The following PGBD5 variants were observed in gnomAD, a reference collection of about 807,000 sequenced individuals.
PGBD5 encodes the protein piggyBac transposable element-derived protein 5.
Under a neutral mutation model 47.9 loss-of-function variants are expected in PGBD5, and 14 were observed. The ratio of observed to expected loss-of-function variants is 0.29; its 90% confidence interval spans 0.19 to 0.46. The LOEUF (loss-of-function observed/expected upper bound fraction) is 0.46. Among genes scored for constraint, PGBD5 ranks in the 20% least tolerant of loss-of-function variants. The pLI is 1.00. For missense variants in PGBD5, 635 were observed against 716.0 expected, an observed-to-expected ratio of 0.89 and a Z score of 1.29; for synonymous variants, 316 against 306.3, an observed-to-expected ratio of 1.03 and a Z score of -0.33.
intron 3 of PGBD5, among the ~76,000 whole-genome samples, chr1:230,347,647 T>C (rs1667496436): frequency 6.6e-6 from 1 of 151,812 alleles, no homozygotes; most frequent in African/African-American, 2.4e-5. Context: ...GCCTGGCTAA[T>C]TTTTTTTGTA....
intron 1 of PGBD5, chr1:230,362,315 C>T (rs2009265): frequency 0.071 from 97,096 of 1,365,046 alleles, 6,246 homozygotes; most frequent in African/African-American, 0.34. Flanking sequence ...GTGCAGGGCA[C>T]GAGGAATGGA....
chr1:230,358,971 C>T (rs983901833), intron 1 of PGBD5, among the ~76,000 whole-genome samples: 18 of 152,160 alleles, frequency 1.2e-4, no homozygotes, highest in Non-Finnish European at 2.1e-4. Flanking sequence ...AGAGCTATGG[C>T]TTACAATTCT....
At chr1:230,363,573 C>T (rs1382407560) in intron 1 of PGBD5, among the ~76,000 whole-genome samples, 1 of 150,418 alleles carries the variant, frequency 6.6e-6, no homozygotes, top group Non-Finnish European at 1.5e-5. Context: ...CAGAGCGAGA[C>T]TCCATCTCAA....
rs1666930809 is a variant in PGBD5, at chr1:230,315,908, A to ATGTATG, written c.*7516_*7517insCATACA. The ATGTATG allele has an allele frequency of 6.7e-6, 1 of 150,180 alleles. No individual in the cohort carries two copies. The highest frequency in any genetic ancestry group is 1.5e-5 in the Non-Finnish European group (1 of 67,538). The allele number at this position is 150,180 out of a possible 1,614,324, so 9.3% of individuals were successfully genotyped here. A position where few individuals can be genotyped will look rare whatever the true frequency, so the allele number is the denominator to read the frequency against. On this transcript the variant is annotated 3_prime_UTR_variant, in exon 7 of 7. Transcript: ENST00000391860. ...CATACATATTTATGTGTACACATAT[A>ATGTATG]TGTATATGTGTATATGTGTACACAT...
chr1:230,328,281 A>G (rs1213378989), intron 5 of PGBD5, among the ~76,000 whole-genome samples: 8 of 152,086 alleles, frequency 5.3e-5, no homozygotes, highest in Non-Finnish European at 1.2e-4. Flanking sequence ...ATTCTTTTTC[A>G]TAATTTTAAA....
At chr1:230,383,834 C>T (rs536728672) in intron 1 of PGBD5, among the ~76,000 whole-genome samples, 3 of 152,316 alleles carry the variant, frequency 2.0e-5, no homozygotes, top group African/African-American at 7.2e-5. Flanking sequence ...CCTGTTCCAG[C>T]AAAAGTCACA....
intron 1 of PGBD5, among the ~76,000 whole-genome samples, chr1:230,413,917 T>C (rs1480351509): frequency 6.6e-6 from 1 of 152,188 alleles, no homozygotes; most frequent in African/African-American, 2.4e-5. Context: ...ATCTGCCAAA[T>C]GTATGAAATG....
At chr1:230,394,990 TCTCCTCCCA>T (rs1656893517) in intron 1 of PGBD5, among the ~76,000 whole-genome samples, 2 of 123,110 alleles carry the variant, frequency 1.6e-5, no homozygotes, top group Non-Finnish European at 3.4e-5. Flanking sequence ...CCTCCCTTCC[TCTCCTCCCA>T]CTCCTCCCCA....
intron 1 of PGBD5, among the ~76,000 whole-genome samples, chr1:230,395,986 T>TTTTGCTTCCCTCTTTCTTCCC (rs1200062211): frequency 1.5e-5 from 2 of 129,582 alleles, no homozygotes; most frequent in South Asian, 2.8e-4. Context: ...CTCCTCTTTC[T>TTTTGCTTCCCTCTTTCTTCCC]TTTGCTTCCC....
chr1:230,364,480 T>C (rs1667796123), intron 1 of PGBD5, among the ~76,000 whole-genome samples: 1 of 152,252 alleles, frequency 6.6e-6, no homozygotes, highest in Admixed American at 6.5e-5. Context: ...AAACCCCAAG[T>C]ATAGCTTCAG....
intron 1 of PGBD5, among the ~76,000 whole-genome samples, chr1:230,365,811 A>G (rs530372594): frequency 1.3e-5 from 2 of 152,208 alleles, no homozygotes; most frequent in Non-Finnish European, 2.9e-5. Flanking sequence ...AGCATTTGAC[A>G]TTCTATGTCA....
At chr1:230,328,187 A>C (rs1667154198) in intron 5 of PGBD5, among the ~76,000 whole-genome samples, 1 of 152,170 alleles carries the variant, frequency 6.6e-6, no homozygotes, top group African/African-American at 2.4e-5. Context: ...GCCCAATAAG[A>C]GCAGAGGCTC....
intron 1 of PGBD5, among the ~76,000 whole-genome samples, chr1:230,391,038 C>G (rs1315948076): frequency 6.6e-6 from 1 of 151,964 alleles, no homozygotes; most frequent in African/African-American, 2.4e-5. Flanking sequence ...CCACGCCCAG[C>G]CTCATTGCCA....
chr1:230,327,769 C>T (rs1667146433), intron 5 of PGBD5, among the ~76,000 whole-genome samples: 1 of 152,246 alleles, frequency 6.6e-6, no homozygotes, highest in South Asian at 2.1e-4. Flanking sequence ...ACTGCCGTCT[C>T]TCTCCAACGC....
intron 5 of PGBD5, among the ~76,000 whole-genome samples, chr1:230,330,760 G>T (rs1405368950): frequency 6.6e-6 from 1 of 151,952 alleles, no homozygotes; most frequent in Non-Finnish European, 1.5e-5. Context: ...GGGGAGGGGG[G>T]CTACAGTGAT....
intron 3 of PGBD5, 76 bp from the exon 4 acceptor site, chr1:230,337,364 G>C (rs1667343415): frequency 7.5e-7 from 1 of 1,336,244 alleles, no homozygotes; most frequent in African/African-American, 1.5e-5. Flanking sequence ...AGCAAGCACA[G>C]ATCTCATGGG....
Position 230,315,902 on chromosome 1 carries a change from ACATATATG to A in PGBD5, c.*7515_*7522del, listed in dbSNP as rs1666930531. The A allele has an allele frequency of 1.3e-5, 2 of 149,472 alleles. No individual in the cohort carries two copies. 9.3% of individuals were successfully genotyped at this position (149,472 alleles called of 1,614,324 possible). On this transcript the variant is annotated 3_prime_UTR_variant, in exon 7 of 7. Coordinates refer to ENST00000391860, the MANE Select transcript of PGBD5 (RefSeq NM_001258311.2). ...TGGATACATACATATTTATGTGTAC[ACATATATG>A]TATATGTGTATATGTGTACACATAT...
At chr1:230,359,604 C>A (rs1229820251) in intron 1 of PGBD5, among the ~76,000 whole-genome samples, 1 of 152,178 alleles carries the variant, frequency 6.6e-6, no homozygotes, top group Non-Finnish European at 1.5e-5. Flanking sequence ...TTAATCCCTC[C>A]TAGCTCTAGT....
Position 230,314,680 on chromosome 1 carries a change from TAA to T in PGBD5, c.*8743_*8744del, listed in dbSNP as rs1272527652. 1 of 146,846 alleles carries T rather than the reference TAA, an allele frequency of 6.8e-6. No individual in the cohort carries two copies. The highest frequency in any genetic ancestry group is 1.5e-5 in the Non-Finnish European group (1 of 67,262). The allele number at this position is 146,846 out of a possible 1,614,324, so 9.1% of individuals were successfully genotyped here. ...TTTGTAAAAATTTATTGCCTTGGCG[TAA>T]AGTGACAATCATGCCTTGGCGTAAA... On this transcript the variant is annotated 3_prime_UTR_variant, in exon 7 of 7. Transcript: ENST00000391860.
Sources: allele counts gnomAD v4.1 joint callset (sites outside exome capture counted in the v4.1 genomes callset), GRCh38; gene constraint gnomAD v4.1.1; transcripts MANE v1.5; gene names NCBI Gene and HGNC (gene_info 2026-07-23, HGNC 2026-07-21).